LHX8: variants seen among roughly 807,000 people sequenced by gnomAD.
LHX8 encodes LIM/homeobox protein Lhx8.
In LHX8, 12 loss-of-function variants were observed where a neutral mutation model predicts 40.3. The observed-to-expected ratio is 0.30, with a 90% CI of 0.19 to 0.48. LHX8 has a LOEUF of 0.48. Among genes scored for constraint, LHX8 ranks in the 20% least tolerant of loss-of-function variants. The pLI, the probability that LHX8 is intolerant of heterozygous loss-of-function variation, is 0.99. For synonymous variants in LHX8, 179 were observed against 162.0 expected (o/e 1.10, Z -0.80); for missense variants, 344 against 433.7 (o/e 0.79, Z 1.84).
At chr1:75,173,475 C>T in the LHX8 span, among the ~76,000 whole-genome samples, 3 of 149,318 alleles carry the variant, frequency 2.0e-5, no homozygotes, top group Admixed American at 2.0e-4. Flanking sequence ...GCTCCACCTC[C>T]GGGTTCACGC....
Position 75,143,965 on chromosome 1 carries a change from AT to A in LHX8, c.684+23del. 1 of 1,605,318 alleles carries A rather than the reference AT, an allele frequency of 6.2e-7. No homozygotes were observed. The highest frequency in any genetic ancestry group is 8.5e-7 in the Non-Finnish European group (1 of 1,172,780). On this transcript the variant is annotated intron_variant, in intron 6 of 8. Coordinates refer to ENST00000356261, the MANE Select transcript of LHX8 (RefSeq NM_001256114.2). ...CAGCTTCAGGTAAGCATAACAATGA[AT>A]TTTTTATTTTTGAAGCCCCTCCCAA...
chr1:75,179,673 T>C, the LHX8 span, among the ~76,000 whole-genome samples: 5 of 152,168 alleles, frequency 3.3e-5, no homozygotes, highest in Admixed American at 2.6e-4. Flanking sequence ...TTAATTGGGG[T>C]ATTTAGCCCA....
intron 7 of LHX8, among the ~76,000 whole-genome samples, chr1:75,152,461 T>C (rs528625477): frequency 2.0e-5 from 3 of 152,344 alleles, no homozygotes; most frequent in African/African-American, 7.2e-5. Context: ...ACTATTGCTA[T>C]TTCTTCCAAT....
At chr1:75,173,452 C>T in the LHX8 span, among the ~76,000 whole-genome samples, 1 of 140,036 alleles carries the variant, frequency 7.1e-6, no homozygotes, top group African/African-American at 2.7e-5. Context: ...GGCACGATCT[C>T]GACTCACTGT....
At chr1:75,148,553 T>C in intron 6 of LHX8, 34 bp from the exon 7 acceptor site, 1 of 1,440,780 alleles carries the variant, frequency 6.9e-7, no homozygotes, top group Non-Finnish European at 9.8e-7. Context: ...TGCTTGTTTT[T>C]AGCTATTTAC....
At chr1:75,151,070 G>A (rs1648596849) in intron 7 of LHX8, among the ~76,000 whole-genome samples, 1 of 152,132 alleles carries the variant, frequency 6.6e-6, no homozygotes, top group Non-Finnish European at 1.5e-5. Context: ...GAGGGGAAAG[G>A]CAAATGTCTT....
the LHX8 span, among the ~76,000 whole-genome samples, chr1:75,195,303 T>A: frequency 6.6e-6 from 1 of 152,118 alleles, no homozygotes; most frequent in South Asian, 2.1e-4. Context: ...GTAGCAAGTG[T>A]ATAGATTATA....
At chr1:75,137,339 C>T in intron 3 of LHX8, 78 bp downstream of exon 3, 1 of 1,416,458 alleles carries the variant, frequency 7.1e-7, no homozygotes, top group Non-Finnish European at 9.9e-7. Flanking sequence ...TAATGTTCCT[C>T]CCACCAACCT....
At chr1:75,158,888 A>C in intron 8 of LHX8, among the ~76,000 whole-genome samples, 1 of 152,280 alleles carries the variant, frequency 6.6e-6, no homozygotes, top group Admixed American at 6.5e-5. Context: ...AAAACAATTA[A>C]GATTTTGATA....
intron 8 of LHX8, among the ~76,000 whole-genome samples, chr1:75,158,791 T>C (rs573717170): frequency 7.9e-5 from 12 of 152,296 alleles, no homozygotes; most frequent in African/African-American, 2.9e-4. Flanking sequence ...GTTTCTATTT[T>C]GTTGTTATTC....
the LHX8 span, among the ~76,000 whole-genome samples, chr1:75,187,443 T>C: frequency 6.6e-6 from 1 of 152,286 alleles, no homozygotes; most frequent in East Asian, 1.9e-4. Flanking sequence ...ATTATAAGAC[T>C]TGTCCGCAGC....
the LHX8 span, among the ~76,000 whole-genome samples, chr1:75,172,187 C>T: frequency 1.3e-5 from 2 of 152,142 alleles, no homozygotes; most frequent in Non-Finnish European, 2.9e-5. Flanking sequence ...CCTTATAACA[C>T]ACACACTCTA....
At chr1:75,165,396 C>T (rs1649011425), downstream of LHX8, among the ~76,000 whole-genome samples, 1 of 152,084 alleles carries the variant, frequency 6.6e-6, no homozygotes, top group Non-Finnish European at 1.5e-5. Context: ...CCCCCAGTTC[C>T]TTGAGTTTCA....
chr1:75,136,792 C>T (rs1384599274), intron 2 of LHX8, 103 bp downstream of exon 2: 8 of 904,342 alleles, frequency 8.8e-6, no homozygotes, highest in Non-Finnish European at 1.4e-5. Context: ...CAGCTGGCCC[C>T]TCCTGCAGCA....
the LHX8 span, among the ~76,000 whole-genome samples, chr1:75,174,588 C>T: frequency 6.6e-6 from 1 of 152,152 alleles, no homozygotes; most frequent in South Asian, 2.1e-4. Flanking sequence ...AGGCTAGAAC[C>T]AATTCCTTCC....
chr1:75,180,149 A>C, the LHX8 span, among the ~76,000 whole-genome samples: 1 of 152,068 alleles, frequency 6.6e-6, no homozygotes, highest in Non-Finnish European at 1.5e-5. Context: ...AACCTTGGTG[A>C]ATCTGACAAT....
At chr1:75,156,294 T>G (rs1245629760) in intron 7 of LHX8, among the ~76,000 whole-genome samples, 3 of 152,064 alleles carry the variant, frequency 2.0e-5, no homozygotes, top group Admixed American at 2.0e-4. Flanking sequence ...CAGGCTGGAG[T>G]GCAGTGGTGC....
intron 1 of LHX8, 21 bp downstream of exon 1, chr1:75,134,975 A>G (rs1648077715): frequency 1.0e-6 from 1 of 980,574 alleles, no homozygotes; most frequent in African/African-American, 1.8e-5. Flanking sequence ...CTTTTGTTCT[A>G]TTTGCTGTGG....
At chr1:75,157,524 A>G (rs1412871694) in intron 8 of LHX8, among the ~76,000 whole-genome samples, 1 of 152,360 alleles carries the variant, frequency 6.6e-6, no homozygotes, top group East Asian at 1.9e-4. Flanking sequence ...TAATAAAATG[A>G]ATGTATCCAT....
Sources: gnomAD v4.1 joint callset for allele counts (sites outside exome capture counted in the v4.1 genomes callset) on GRCh38, gnomAD v4.1.1 for gene constraint, MANE v1.5 for transcripts, NCBI Gene and HGNC (gene_info 2026-07-23, HGNC 2026-07-21) for gene names.